The following PPP1R9A variants were observed in gnomAD, a reference collection of about 807,000 sequenced individuals.
The protein encoded by PPP1R9A is protein phosphatase 1 regulatory subunit 9A.
In PPP1R9A, 59 loss-of-function variants were observed where a neutral mutation model predicts 141.9. That is an observed-to-expected ratio of 0.42 (90% confidence interval 0.34 to 0.52). The LOEUF (loss-of-function observed/expected upper bound fraction) is 0.52. PPP1R9A is among the 20% of genes least tolerant of loss of function. The probability of loss-of-function intolerance (pLI) is 0.10; values close to 1 mark genes in which losing one functional copy is unlikely to be tolerated. For missense variants in PPP1R9A, 1,444 were observed against 1,611.9 expected (o/e 0.90, Z 1.78); for synonymous variants, 500 against 569.7 (o/e 0.88, Z 1.74).
In PPP1R9A at chr7:95,232,961, T is replaced by C. The variant is rs527722348; in HGVS notation, c.2112+6845T>C. Among the ~76,000 whole-genome samples, 12 of 152,288 alleles carry C rather than the reference T, an allele frequency of 7.9e-5. No homozygotes were observed. In the East Asian group the frequency reaches 2.1e-3, roughly 27 times the overall value. On this transcript the variant is annotated intron_variant, in intron 8 of 19. Coordinates refer to ENST00000433360, the MANE Select transcript of PPP1R9A (RefSeq NM_001166160.2). ...TCGACCATTGTGGAAGACAGTGTGGTGATTCCTCAGGGGTCTAGAACTAGA... is the reference window on the plus strand; with the variant it reads ...TCGACCATTGTGGAAGACAGTGTGGCGATTCCTCAGGGGTCTAGAACTAGA...
intron 17 of PPP1R9A, 136 bp downstream of exon 17, chr7:95,284,466 T>C (rs1804902086): frequency 1.1e-6 from 1 of 897,198 alleles, no homozygotes; most frequent in Non-Finnish European, 1.6e-6. Context: ...TTTTCACATA[T>C]TGCTATTTAA....
chr7:95,251,730 G>T, intron 10 of PPP1R9A, 32 bp from the exon 11 acceptor site: 1 of 1,575,146 alleles, frequency 6.3e-7, no homozygotes, highest in South Asian at 1.1e-5. Context: ...TTGAGTGTAT[G>T]ATATAATCAG....
chr7:95,136,711 A>G (rs1301227404), intron 4 of PPP1R9A, among the ~76,000 whole-genome samples: 3 of 152,320 alleles, frequency 2.0e-5, no homozygotes, highest in African/African-American at 7.2e-5. Context: ...TTGACATCCT[A>G]ACTTTTGTTC....
chr7:94,912,698 A>G (rs1050318290), intron 2 of PPP1R9A, among the ~76,000 whole-genome samples: 3 of 152,202 alleles, frequency 2.0e-5, no homozygotes, highest in Non-Finnish European at 4.4e-5. Context: ...ATAAAGTAAT[A>G]ATCTATGAAA....
intron 2 of PPP1R9A, among the ~76,000 whole-genome samples, chr7:95,030,923 G>T (rs1807585006): frequency 6.6e-6 from 1 of 152,160 alleles, no homozygotes; most frequent in African/African-American, 2.4e-5. Context: ...TCCTCCTGGG[G>T]TTTCGCTCTT....
intron 5 of PPP1R9A, among the ~76,000 whole-genome samples, chr7:95,163,913 T>G (rs1465225221): frequency 6.6e-6 from 1 of 152,130 alleles, no homozygotes; most frequent in Non-Finnish European, 1.5e-5. Context: ...TAATTTTGTA[T>G]TTTTAGTAGA....
At chr7:95,027,165 C>A (rs1380709373) in intron 2 of PPP1R9A, among the ~76,000 whole-genome samples, 1 of 152,156 alleles carries the variant, frequency 6.6e-6, no homozygotes, top group Admixed American at 6.5e-5. Context: ...TTGGTGTCTG[C>A]CTAAACAGCC....
chr7:94,978,397 A>G (rs904413661), intron 2 of PPP1R9A, among the ~76,000 whole-genome samples: 2 of 152,254 alleles, frequency 1.3e-5, no homozygotes, highest in Non-Finnish European at 2.9e-5. Flanking sequence ...TACTGAAAGA[A>G]TAAATGCTTG....
intron 2 of PPP1R9A, among the ~76,000 whole-genome samples, chr7:95,022,423 A>G (rs1403283417): frequency 1.3e-5 from 2 of 152,194 alleles, no homozygotes; most frequent in Non-Finnish European, 2.9e-5. Context: ...GTCATCTGCA[A>G]ATAGAGACAA....
intron 2 of PPP1R9A, among the ~76,000 whole-genome samples, chr7:95,033,965 G>A (rs1202410183): frequency 6.6e-6 from 1 of 151,948 alleles, no homozygotes; most frequent in Non-Finnish European, 1.5e-5. Context: ...CTTACACATT[G>A]TTCTTCAAAA....
At chr7:95,049,495 G>A (rs1810494950) in intron 2 of PPP1R9A, among the ~76,000 whole-genome samples, 1 of 152,146 alleles carries the variant, frequency 6.6e-6, no homozygotes, top group African/African-American at 2.4e-5. Flanking sequence ...CTGCCTTACT[G>A]TGGTACATTT....
chr7:94,947,579 A>G (rs1796031346), intron 2 of PPP1R9A, among the ~76,000 whole-genome samples: 1 of 152,244 alleles, frequency 6.6e-6, no homozygotes, highest in African/African-American at 2.4e-5. Flanking sequence ...GGCAGTTGCT[A>G]CATTCCCAGA....
chr7:95,265,580 G>A (rs1801169681), intron 12 of PPP1R9A, among the ~76,000 whole-genome samples: 1 of 152,088 alleles, frequency 6.6e-6, no homozygotes, highest in South Asian at 2.1e-4. Context: ...TACTGTTAAG[G>A]GAGACATATT....
chr7:95,027,976 C>T (rs1807126537), intron 2 of PPP1R9A, among the ~76,000 whole-genome samples: 1 of 152,020 alleles, frequency 6.6e-6, no homozygotes, highest in African/African-American at 2.4e-5. Context: ...AATGACCTGC[C>T]TGTGTATTTA....
At chr7:94,972,565 T>C (rs1193055028) in intron 2 of PPP1R9A, among the ~76,000 whole-genome samples, 7 of 152,170 alleles carry the variant, frequency 4.6e-5, no homozygotes, top group Admixed American at 4.6e-4. Flanking sequence ...CCGTGAATAA[T>C]AGATTTATGA....
chr7:95,180,363 A>G (rs1833555668), intron 5 of PPP1R9A, among the ~76,000 whole-genome samples: 2 of 152,182 alleles, frequency 1.3e-5, no homozygotes, highest in Admixed American at 6.6e-5. Context: ...CTCTCACCTT[A>G]TATAAAAATC....
In PPP1R9A at chr7:94,911,215, G is replaced by A. The variant is rs61737465; in HGVS notation, c.1102G>A (p.Asp368Asn). 106,301 of 1,614,166 alleles carry A rather than the reference G, an allele frequency of 0.066. 4,028 individuals are homozygous for A. Among genetic ancestry groups the A allele is most frequent in the Non-Finnish European group, 0.079 (93,576 of 1,180,012 alleles). Residue 368 changes from aspartate to asparagine, a missense_variant, in exon 2 of 20, where the codon GAT (aspartate) becomes AAT (asparagine). By Grantham distance (23) the Asp-to-Asn change is conservative. This residue lies in a region of PPP1R9A where 490 missense variants were observed against 521.1 expected (regional missense o/e 0.94). Coordinates refer to ENST00000433360, the MANE Select transcript of PPP1R9A (RefSeq NM_001166160.2). The stretch of plus-strand genomic sequence containing the variant: ...ACAGAGGAAAGAACTTGCAGGTGGT[G>A]ATTTCACCTCTCCTGATGCTTCTGC... ...KQQRKELAGG[D>N]FTSPDASASS... is the part of the protein sequence containing the mutation.
intron 3 of PPP1R9A, among the ~76,000 whole-genome samples, chr7:95,119,147 T>C (rs1383760798): frequency 3.3e-5 from 5 of 152,204 alleles, no homozygotes; most frequent in African/African-American, 1.2e-4. Context: ...TTTATGCTGC[T>C]AGTAAAGCAT....
At chr7:95,265,338 G>A (rs1801124529) in intron 12 of PPP1R9A, among the ~76,000 whole-genome samples, 1 of 152,180 alleles carries the variant, frequency 6.6e-6, no homozygotes, top group African/African-American at 2.4e-5. Flanking sequence ...CTCTGTCACA[G>A]ATTAACTGTG....
Sources: allele counts gnomAD v4.1 joint callset (sites outside exome capture counted in the v4.1 genomes callset), GRCh38; gene constraint gnomAD v4.1.1; regional missense constraint gnomAD v4.1.1; transcripts MANE v1.5; gene names NCBI Gene and HGNC (gene_info 2026-07-23, HGNC 2026-07-21).